Variants in MAP7D2 observed in about 807,000 individuals in gnomAD.
MAP7D2 encodes the protein MAP7 domain containing 2.
Under a neutral mutation model 63.5 loss-of-function variants are expected in MAP7D2, and 33 were observed. The observed-to-expected ratio is 0.52, with a 90% CI of 0.39 to 0.70. The LOEUF is 0.70. Ranked by LOEUF, MAP7D2 falls within the 30% of genes least tolerant of loss-of-function variation. The probability of loss-of-function intolerance (pLI) is 0.00; values close to 1 mark genes in which losing one functional copy is unlikely to be tolerated. For missense variants in MAP7D2, 626 were observed against 604.0 expected (o/e 1.04, Z -0.38); for synonymous variants, 224 against 223.7 (o/e 1.00, Z -0.01).
At chrX:20,014,363 T>A (rs942526852) in intron 12 of MAP7D2, among the ~76,000 whole-genome samples, 1 of 110,417 alleles carries the variant, frequency 9.1e-6, no homozygotes, top group African/African-American at 3.3e-5. Flanking sequence ...AGTCCAGGAG[T>A]TCGAGACCAG....
chrX:20,105,976 T>G (rs898671358), intron 1 of MAP7D2, among the ~76,000 whole-genome samples: 3 of 111,842 alleles, frequency 2.7e-5, no homozygotes, highest in Non-Finnish European at 3.8e-5. Flanking sequence ...GGTGAGGGCC[T>G]TCTTCTTGCA....
At chrX:20,067,133 C>A (rs1427248776) in intron 1 of MAP7D2, among the ~76,000 whole-genome samples, 1 of 112,379 alleles carries the variant, frequency 8.9e-6, no homozygotes, top group Non-Finnish European at 1.9e-5. Flanking sequence ...ACAAACTCAC[C>A]CACCCAGGCA....
rs183372762 is a variant in MAP7D2, at chrX:20,069,993, G to A, written c.131-5188C>T. Among the ~76,000 whole-genome samples the A allele has an allele frequency of 4.5e-3, 505 of 111,382 alleles. 2 individuals are homozygous for A. Among genetic ancestry groups the A allele is most frequent in the African/African-American group, 0.016 (495 of 30,723 alleles). ...AGACGGAGTCTCGCTCTGTTGCCCA[G>A]GCTGGAGTGCAGTGGTGCGATCTTG... On this transcript the variant is annotated intron_variant, in intron 1 of 16. Transcript: ENST00000379643.
At chrX:20,101,636 G>A (rs1229842211) in intron 1 of MAP7D2, among the ~76,000 whole-genome samples, 1 of 111,669 alleles carries the variant, frequency 9.0e-6, no homozygotes, top group Non-Finnish European at 1.9e-5. Context: ...ATAAAAAGCT[G>A]GAAAAAAACA....
chrX:20,074,043 G>A lies in MAP7D2; in HGVS notation c.131-9238C>T, dbSNP rs1177650892. Among the ~76,000 whole-genome samples the A allele has an allele frequency of 3.4e-4, 36 of 107,096 alleles. 1 individual carries two copies. Among genetic ancestry groups the A allele is most frequent in the Admixed American group, 2.0e-4 (2 of 10,101 alleles). The allele number at this position is 107,096 out of a possible 115,157, so 93.0% of individuals were successfully genotyped here. ...CCAGCTACTTGGGAGGCTGAGGCAGGAGAATCACTTGAATCTGGGAGGCGG... is the reference window on the plus strand; with the variant it reads ...CCAGCTACTTGGGAGGCTGAGGCAGAAGAATCACTTGAATCTGGGAGGCGG... On this transcript the variant is annotated intron_variant, in intron 1 of 16. Coordinates refer to ENST00000379643, the MANE Select transcript of MAP7D2 (RefSeq NM_001168465.2).
intron 1 of MAP7D2, among the ~76,000 whole-genome samples, chrX:20,111,686 C>G (rs1204964673): frequency 8.9e-6 from 1 of 111,755 alleles, no homozygotes; most frequent in African/African-American, 3.3e-5. Flanking sequence ...GGCTGCACAA[C>G]TCTGTGAATA....
chrX:20,008,965 A>G (rs1157193515), intron 16 of MAP7D2, among the ~76,000 whole-genome samples: 2 of 112,136 alleles, frequency 1.8e-5, no homozygotes, highest in African/African-American at 3.2e-5. Flanking sequence ...AGGGAAACTA[A>G]TTTTAAAGTC....
At chrX:20,031,881 T>G (rs766152668) in intron 8 of MAP7D2, among the ~76,000 whole-genome samples, 69 of 111,750 alleles carry the variant, frequency 6.2e-4, no homozygotes, top group Non-Finnish European at 1.1e-3. Context: ...AATAATGTCT[T>G]CGTTCTTAGG....
At chrX:20,115,357 C>G (rs2066866372) in intron 1 of MAP7D2, among the ~76,000 whole-genome samples, 2 of 108,754 alleles carry the variant, frequency 1.8e-5, no homozygotes, top group Non-Finnish European at 3.8e-5. Context: ...TCGAAACAAA[C>G]TATTATTTAA....
In MAP7D2 at chrX:20,042,622, T is replaced by A. The variant is rs2064689371; in HGVS notation, c.887A>T (p.Lys296Met). The change falls in exon 8 of 17, where the codon AAG becomes ATG. Residue 296 changes from lysine (K) to methionine (M), a missense_variant. Physicochemically the swap from Lys to Met is moderately conservative, Grantham distance 95 (BLOSUM62 -1). Coordinates refer to ENST00000379643, the MANE Select transcript of MAP7D2 (RefSeq NM_001168465.2). ...LSGGEASLVE[K>M]VKRGQRTATS... Reference sequence around the variant, plus strand: ...TGCTGTTCGTTGCCCCCGCTTCACCTTCTCCACCTGTAGGGGACACAGGAT... The same window carrying A: ...TGCTGTTCGTTGCCCCCGCTTCACCATCTCCACCTGTAGGGGACACAGGAT... 3.3e-6 allele frequency: 4 copies of A among 1,209,710 alleles called. No homozygotes were observed. The highest frequency in any genetic ancestry group is 4.5e-6 in the Non-Finnish European group (4 of 895,087).
intron 1 of MAP7D2, among the ~76,000 whole-genome samples, chrX:20,096,133 G>T (rs866928789): frequency 1.6e-5 from 1 of 64,066 alleles, no homozygotes; most frequent in Non-Finnish European, 3.1e-5. Flanking sequence ...GAAAAGAAAA[G>T]AAAAGAAATT....
intron 1 of MAP7D2, among the ~76,000 whole-genome samples, chrX:20,089,250 T>C (rs1198322806): frequency 8.9e-6 from 1 of 112,291 alleles, no homozygotes; most frequent in Non-Finnish European, 1.9e-5. Flanking sequence ...TTAAATTATC[T>C]TGATACCTTT....
At position 20,112,658 on chromosome X, in the gene MAP7D2, T is replaced by C. The variant is rs373502812; in HGVS notation, c.130+4092A>G. On this transcript the variant is annotated intron_variant, in intron 1 of 16. Transcript: ENST00000379643. ...CCCCCTCTTCCTTCTTCTGGTGAAA[T>C]TCCTTTCAAAAGGGACCGGAGGGCA... Among the ~76,000 whole-genome samples, 15 of 111,526 alleles carry C rather than the reference T, an allele frequency of 1.3e-4. No individual in the cohort carries two copies. In the South Asian group the frequency reaches 2.7e-3, roughly 20 times the overall value.
chrX:20,037,900 C>A (rs1203347877), intron 8 of MAP7D2, among the ~76,000 whole-genome samples: 2 of 111,702 alleles, frequency 1.8e-5, no homozygotes, highest in African/African-American at 6.5e-5. Flanking sequence ...TCTGTGGACA[C>A]CACTCAGCCT....
At chrX:20,021,633 C>T (rs1031907092) in intron 10 of MAP7D2, 8 of 111,776 alleles carry the variant, frequency 7.2e-5, no homozygotes, top group African/African-American at 2.6e-4. Flanking sequence ...ATTCCATCTC[C>T]AATCATCTGG....
intron 1 of MAP7D2, 46 bp downstream of exon 1, chrX:20,116,704 A>C: frequency 1.8e-6 from 2 of 1,112,544 alleles, no homozygotes; most frequent in Non-Finnish European, 2.4e-6. Context: ...GCCCCCCCAC[A>C]GGAACCCGAA....
In MAP7D2 at chrX:20,020,422, C is replaced by A. The variant is rs751718978; in HGVS notation, c.1413-4097G>T. Among the ~76,000 whole-genome samples, 6 of 111,887 alleles carry A rather than the reference C, an allele frequency of 5.4e-5. No homozygotes were observed. In the East Asian group the frequency reaches 1.4e-3, roughly 26 times the overall value. ...GCCTGTATCCACTCATCTCTTCAGG[C>A]TGCTTTGTCTCTATCCTACTTCTCA... On this transcript the variant is annotated intron_variant, in intron 10 of 16. Coordinates refer to ENST00000379643, the MANE Select transcript of MAP7D2 (RefSeq NM_001168465.2).
intron 1 of MAP7D2, among the ~76,000 whole-genome samples, chrX:20,092,333 T>C (rs917327645): frequency 9.0e-6 from 1 of 111,350 alleles, no homozygotes; most frequent in Admixed American, 9.6e-5. Flanking sequence ...TCAAGGTCTC[T>C]CTGACCTTCC....
intron 1 of MAP7D2, among the ~76,000 whole-genome samples, chrX:20,096,566 T>C (rs2066276672): frequency 9.0e-6 from 1 of 110,530 alleles, no homozygotes; most frequent in South Asian, 3.8e-4. Flanking sequence ...ATTCCACTTA[T>C]ATGAGGTACC....
Sources: allele counts gnomAD v4.1 joint callset (sites outside exome capture counted in the v4.1 genomes callset), GRCh38; gene constraint gnomAD v4.1.1; transcripts MANE v1.5; gene names NCBI Gene and HGNC (gene_info 2026-07-23, HGNC 2026-07-21).